Variants in AATK observed in about 807,000 individuals in gnomAD.
AATK encodes the protein lemur tail kinase 1.
AATK carries 91 observed loss-of-function variants against 114.3 expected under a neutral mutation model. The ratio of observed to expected loss-of-function variants is 0.80; its 90% CI spans 0.67 to 0.95. The LOEUF (loss-of-function observed/expected upper bound fraction) is 0.95, where lower values mean the gene tolerates loss of function less well. Among genes scored for constraint, AATK ranks in the 40% least tolerant of loss-of-function variants. The pLI, the probability that AATK is intolerant of heterozygous loss-of-function variation, is 0.00. For missense variants in AATK, 2,176 were observed against 1,965.2 expected (o/e 1.11, Z -2.03); for synonymous variants, 1,075 against 916.5 (o/e 1.17, Z -3.12).
intron 1 of AATK, among the ~76,000 whole-genome samples, chr17:81,142,326 G>A (rs1210016675): frequency 2.0e-5 from 3 of 150,876 alleles, no homozygotes; most frequent in Admixed American, 6.6e-5. Flanking sequence ...AGGCTGGAGC[G>A]CAGTGGTGCA....
chr17:81,161,027 G>A lies in AATK; in HGVS notation c.55+4911C>T, dbSNP rs541325537. 1.1e-4 allele frequency among the ~76,000 whole-genome samples: 16 copies of A among 152,346 alleles called. No individual in the cohort carries two copies. The South Asian group carries it at 2.3e-3, about 22-fold the overall frequency. On this transcript the variant is annotated intron_variant, in intron 1 of 13. Coordinates refer to ENST00000326724, the MANE Select transcript of AATK (RefSeq NM_001080395.3). Reference sequence around the variant, plus strand: ...GGGTTCTGAGGCTGGGGGCTAGCACGTGGCCTCATTTTCTTCCAAGGATAA... The same window carrying A: ...GGGTTCTGAGGCTGGGGGCTAGCACATGGCCTCATTTTCTTCCAAGGATAA...
intron 3 of AATK, 25 bp downstream of exon 3, chr17:81,131,036 C>T (rs373564204): frequency 4.8e-4 from 748 of 1,544,644 alleles, no homozygotes; most frequent in Non-Finnish European, 4.4e-4. Flanking sequence ...AGGGAGGCCA[C>T]CCCATCTCCC....
intron 1 of AATK, among the ~76,000 whole-genome samples, chr17:81,160,903 G>A (rs1277614318): frequency 6.6e-6 from 1 of 152,178 alleles, no homozygotes; most frequent in Admixed American, 6.5e-5. Context: ...GTGCTCCGTG[G>A]ACCCTCTGCC....
intron 1 of AATK, among the ~76,000 whole-genome samples, chr17:81,137,369 G>A (rs569063265): frequency 1.2e-3 from 182 of 152,164 alleles, no homozygotes; most frequent in African/African-American, 4.1e-3. Context: ...CCCTGTCCTC[G>A]TGGCCACGAG....
In AATK at chr17:81,120,755, G is replaced by A. The variant is rs753558006; in HGVS notation, c.3181C>T (p.Gln1061Ter). Residue 1061 changes from glutamine to a stop codon, truncating the protein, a stop_gained, in exon 11 of 14, where the codon CAG (glutamine) becomes TAG (stop). Coordinates refer to ENST00000326724, the MANE Select transcript of AATK (RefSeq NM_001080395.3). LOFTEE classifies it high-confidence loss of function. The stretch of plus-strand genomic sequence containing the variant: ...GGCTCTGGGGAGGACCCTTCAAGCT[G>A]CAGCAGTGGGGGCAGCACCTCCCCG... ...GPGEVLPPLL[Q>*]LEGSSPEPST... 1.3e-6 allele frequency: 2 copies of A among 1,577,072 alleles called. No homozygotes were observed.
Position 81,124,969 on chromosome 17 carries a change from C to A in AATK, c.801G>T (p.Val267=). Residue 267 remains valine, a synonymous_variant, in exon 8 of 14, where the codon GTG becomes GTT. Coordinates refer to ENST00000326724, the MANE Select transcript of AATK (RefSeq NM_001080395.3). ...GAGCCAGGCCATAGTCACCAATCTT[C>A]ACCGTCAGGTCAGCCGTGAGCAGGC... ...RNCLLTADLT[V]KIGDYGLAHC... 6.3e-7 allele frequency: 1 copy of A among 1,580,244 alleles called. No individual in the cohort carries two copies. The highest frequency in any genetic ancestry group is 8.6e-7 in the Non-Finnish European group (1 of 1,163,574).
chr17:81,138,399 C>A (rs1355790684), intron 1 of AATK, among the ~76,000 whole-genome samples: 5 of 147,370 alleles, frequency 3.4e-5, no homozygotes, highest in African/African-American at 7.6e-5. Context: ...GCACACACAC[C>A]CCCACACGTG....
chr17:81,136,434 C>A (rs544725953), intron 1 of AATK, among the ~76,000 whole-genome samples: 1 of 152,200 alleles, frequency 6.6e-6, no homozygotes, highest in Non-Finnish European at 1.5e-5. Flanking sequence ...GGGCTCCCCT[C>A]CCATGGCCCC....
Position 81,131,144 on chromosome 17 carries a change from G to A in AATK, c.251C>T (p.Thr84Met), listed in dbSNP as rs377175152. 22 of 1,575,260 alleles carry A rather than the reference G, an allele frequency of 1.4e-5. No individual in the cohort carries two copies. The highest frequency in any genetic ancestry group is 6.7e-5 in the African/African-American group (5 of 74,160). ...CACGTCGGGCCCGTTCTGTGCTGCCGTGGCCGGGGAGCCCTGCGCCAGGTC... is the reference window on the plus strand; with the variant it reads ...CACGTCGGGCCCGTTCTGTGCTGCCATGGCCGGGGAGCCCTGCGCCAGGTC... ...AADLAQGSPA[T>M]AAQNGPDVYV... Residue 84 changes from threonine to methionine, a missense_variant, in exon 3 of 14, where the codon ACG becomes ATG. Physicochemically the swap from Thr to Met is moderately conservative, Grantham distance 81 (BLOSUM62 -1). Transcript: ENST00000326724.
chr17:81,125,907 G>C (rs1251048260), intron 7 of AATK: 1 of 472,750 alleles, frequency 2.1e-6, no homozygotes, highest in Non-Finnish European at 4.4e-6. Flanking sequence ...ACTGATGCTG[G>C]AGTCGCCTGA....
chr17:81,151,600 C>T (rs777219723), intron 1 of AATK, among the ~76,000 whole-genome samples: 1 of 152,086 alleles, frequency 6.6e-6, no homozygotes, highest in East Asian at 1.9e-4. Flanking sequence ...CCAAAGGACA[C>T]CCTGACCCCA....
At chr17:81,144,026 G>A (rs950875164) in intron 1 of AATK, among the ~76,000 whole-genome samples, 3 of 151,364 alleles carry the variant, frequency 2.0e-5, no homozygotes, top group Non-Finnish European at 2.9e-5. Flanking sequence ...GGGACGGGTG[G>A]CCAGGGTGGC....
At chr17:81,147,150 C>T (rs1016527736) in intron 1 of AATK, among the ~76,000 whole-genome samples, 4 of 151,468 alleles carry the variant, frequency 2.6e-5, no homozygotes, top group Non-Finnish European at 5.9e-5. Context: ...ATCACGAAGT[C>T]GGGAGATCGA....
intron 1 of AATK, among the ~76,000 whole-genome samples, chr17:81,145,176 T>TG (rs2061198120): frequency 6.8e-6 from 1 of 147,686 alleles, no homozygotes; most frequent in Non-Finnish European, 1.5e-5. Context: ...GAAAATGCAG[T>TG]GAGTCAAGAT....
chr17:81,150,909 G>A (rs1367381309), intron 1 of AATK, among the ~76,000 whole-genome samples: 1 of 152,248 alleles, frequency 6.6e-6, no homozygotes. Flanking sequence ...GTCAAGGGCA[G>A]ACGGTACTGG....
At chr17:81,125,252 G>GC (rs778938222) in intron 7 of AATK, 3 of 729,286 alleles carry the variant, frequency 4.1e-6, no homozygotes, top group Non-Finnish European at 7.8e-6. Flanking sequence ...GGGACTGTGT[G>GC]CGTGGGCCTC....
chr17:81,130,121 T>G (rs1040972842), intron 3 of AATK, among the ~76,000 whole-genome samples: 3 of 152,200 alleles, frequency 2.0e-5, no homozygotes, highest in African/African-American at 7.2e-5. Flanking sequence ...TCAGAGCAGG[T>G]GAGGTGGCCT....
At chr17:81,135,607 GGTCA>G (rs2060997891) in intron 1 of AATK, among the ~76,000 whole-genome samples, 1 of 152,184 alleles carries the variant, frequency 6.6e-6, no homozygotes, top group African/African-American at 2.4e-5. Flanking sequence ...CAAGAAACAG[GGTCA>G]GTGTGGGCAG....
chr17:81,140,580 G>C (rs964427968), intron 1 of AATK, among the ~76,000 whole-genome samples: 1 of 152,132 alleles, frequency 6.6e-6, no homozygotes. Context: ...GGGTCATCCC[G>C]AGGGTCTTTG....
Sources: allele counts gnomAD v4.1 joint callset (sites outside exome capture counted in the v4.1 genomes callset), GRCh38; gene constraint gnomAD v4.1.1; transcripts MANE v1.5; gene names NCBI Gene and HGNC (gene_info 2026-07-23, HGNC 2026-07-21).